The following NOD1 variants were observed in gnomAD, a reference collection of about 807,000 sequenced individuals.
The protein encoded by NOD1 is nucleotide-binding oligomerization domain-containing protein 1.
In NOD1, 70 loss-of-function variants were observed where a neutral mutation model predicts 81.2. The ratio of observed to expected loss-of-function variants is 0.86; its 90% confidence interval spans 0.71 to 1.05. NOD1 has a LOEUF of 1.05. Ranked by LOEUF, NOD1 falls within the 50% of genes least tolerant of loss-of-function variation. The probability of loss-of-function intolerance (pLI) is 0.00; values close to 1 mark genes in which losing one functional copy is unlikely to be tolerated. For missense variants in NOD1, 1,233 were observed against 1,228.0 expected (o/e 1.00, Z -0.06); for synonymous variants, 508 against 526.9 (o/e 0.96, Z 0.49).
At chr7:30,471,402 C>T (rs935012484) in intron 1 of NOD1, among the ~76,000 whole-genome samples, 1 of 152,222 alleles carries the variant, frequency 6.6e-6, no homozygotes, top group African/African-American at 2.4e-5. Context: ...ACCTCATGAC[C>T]GCTTCACAGC....
At position 30,451,836 on chromosome 7, in the gene NOD1, G is replaced by T. The variant is rs547883089; in HGVS notation, c.1581C>A (p.Phe527Leu). Residue 527 changes from phenylalanine to leucine, a missense_variant, in exon 6 of 14, where the codon TTC becomes TTA. Phe to Leu is a conservative substitution (Grantham distance 22). Transcript: ENST00000222823. This position sits in a 1 kb window ranked among gnomAD's most constrained non-coding sequence, Gnocchi z 4.2. Reference sequence around the variant, plus strand: ...CCACCCTGTCGTCCAGCACGAGGAAGAAGGCTGTAAAGAAGGCCTGGAGGG... The same window carrying T: ...CCACCCTGTCGTCCAGCACGAGGAATAAGGCTGTAAAGAAGGCCTGGAGGG... ...HLTLQAFFTAFFLVLDDRVGT... is the reference protein window; with the variant it reads ...HLTLQAFFTALFLVLDDRVGT... The T allele has an allele frequency of 1.1e-5, 17 of 1,613,888 alleles. No individual in the cohort carries two copies. In the East Asian group the frequency reaches 3.3e-4, roughly 32 times the overall value.
Position 30,446,145 on chromosome 7 carries a change from C to G in NOD1, c.2449G>C (p.Val817Leu), listed in dbSNP as rs917135646. 8.1e-6 allele frequency: 13 copies of G among 1,612,642 alleles called. No individual in the cohort carries two copies. Among genetic ancestry groups the G allele is most frequent in the Non-Finnish European group, 1.0e-5 (12 of 1,178,876 alleles). Reference sequence around the variant, plus strand: ...CATCCATCCCCTTCTACTCACCCAACCTCAGAGATTGATTTGCTGTTCTTC... The same window carrying G: ...CATCCATCCCCTTCTACTCACCCAAGCTCAGAGATTGATTTGCTGTTCTTC... Reference protein sequence around the residue: ...AVKNSKSISEVGMWGNQVGDE... With the variant: ...AVKNSKSISELGMWGNQVGDE... The change falls in exon 9 of 14, where the codon GTT (valine) becomes CTT (leucine). Residue 817 changes from valine (V) to leucine (L), a missense_variant. By Grantham distance (32) the Val-to-Leu change is conservative. Coordinates refer to ENST00000222823, the MANE Select transcript of NOD1 (RefSeq NM_006092.4).
At chr7:30,448,896 C>T (rs191759868) in intron 6 of NOD1, among the ~76,000 whole-genome samples, 1 of 152,218 alleles carries the variant, frequency 6.6e-6, no homozygotes, top group African/African-American at 2.4e-5. Context: ...AGCTTCCCCC[C>T]ATCCAGAAAC....
Position 30,455,411 on chromosome 7 carries a change from G to A in NOD1, c.202-100C>T, listed in dbSNP as rs557004761. Reference sequence around the variant, plus strand: ...CTCAGGGCAGGGCTCTGAGTTCTTAGTACAGCCGGTAGCTATGCCATCCCC... The same window carrying A: ...CTCAGGGCAGGGCTCTGAGTTCTTAATACAGCCGGTAGCTATGCCATCCCC... On this transcript the variant is annotated intron_variant, in intron 4 of 13. Transcript: ENST00000222823. The A allele has an allele frequency of 3.4e-5, 29 of 857,418 alleles. No homozygotes were observed. In the African/African-American group the frequency reaches 4.5e-4, roughly 13 times the overall value. The allele number at this position is 857,418 out of a possible 1,614,324, so 53.1% of individuals were successfully genotyped here. A position where few individuals can be genotyped will look rare whatever the true frequency, so the allele number is the denominator to read the frequency against.
intron 10 of NOD1, among the ~76,000 whole-genome samples, chr7:30,437,271 C>T (rs552037942): frequency 1.3e-5 from 2 of 152,244 alleles, no homozygotes; most frequent in African/African-American, 2.4e-5. Flanking sequence ...ATACCTAATG[C>T]ATGCAGGGCT....
At chr7:30,438,026 T>C (rs1784535551) in intron 9 of NOD1, among the ~76,000 whole-genome samples, 1 of 152,212 alleles carries the variant, frequency 6.6e-6, no homozygotes, top group African/African-American at 2.4e-5. Flanking sequence ...CGCAGAGTCC[T>C]GGAGGGAAGG....
intron 13 of NOD1, among the ~76,000 whole-genome samples, chr7:30,427,198 G>GAGAT (rs1435897843): frequency 2.5e-4 from 38 of 152,290 alleles, no homozygotes; most frequent in African/African-American, 6.7e-4. Flanking sequence ...CAGTCTGGAG[G>GAGAT]AGATAGCCTC....
intron 1 of NOD1, among the ~76,000 whole-genome samples, chr7:30,471,156 C>A (rs907944424): frequency 1.3e-5 from 2 of 150,692 alleles, no homozygotes; most frequent in African/African-American, 5.0e-5. Context: ...ATCTAGGACA[C>A]AAACCTGTCA....
At chr7:30,427,496 C>G (rs1274540034) in intron 13 of NOD1, among the ~76,000 whole-genome samples, 1 of 152,222 alleles carries the variant, frequency 6.6e-6, no homozygotes. Context: ...GCAGGGCCAA[C>G]AAAGCCACAG....
At chr7:30,433,245 C>T (rs1784098012) in intron 11 of NOD1, 66 bp from the exon 12 acceptor site, 15 of 1,309,408 alleles carry the variant, frequency 1.1e-5, no homozygotes, top group South Asian at 7.2e-5. Context: ...TTAGAGTTCA[C>T]AGGAGCGGGA....
intron 10 of NOD1, among the ~76,000 whole-genome samples, chr7:30,437,155 G>A (rs1361774081): frequency 4.0e-5 from 6 of 151,846 alleles, no homozygotes; most frequent in East Asian, 1.9e-4. Context: ...GTTCTCACTC[G>A]TAAGTGGGAG....
chr7:30,434,790 G>A (rs1294725159), intron 11 of NOD1, among the ~76,000 whole-genome samples: 1 of 152,156 alleles, frequency 6.6e-6, no homozygotes. Context: ...GCACTTACTG[G>A]ACAGCAGGCC....
Position 30,451,091 on chromosome 7 carries a change from G to T in NOD1, c.2201+125C>A, listed in dbSNP as rs1310650096. Reference sequence around the variant, plus strand: ...CCTCTGCCCTGCTAAGAAAGAAAAGGTCTGGACATTCCAAGGGCCATGGTC... The same window carrying T: ...CCTCTGCCCTGCTAAGAAAGAAAAGTTCTGGACATTCCAAGGGCCATGGTC... On this transcript the variant is annotated intron_variant, in intron 6 of 13. Coordinates refer to ENST00000222823, the MANE Select transcript of NOD1 (RefSeq NM_006092.4). The surrounding 1 kb of genome is among the most constrained non-coding windows in gnomAD (Gnocchi z 4.2). 4 of 1,156,014 alleles carry T rather than the reference G, an allele frequency of 3.5e-6. No individual in the cohort carries two copies. The highest frequency in any genetic ancestry group is 5.1e-5 in the East Asian group (2 of 39,050). 71.6% of individuals were successfully genotyped at this position (1,156,014 alleles called of 1,614,324 possible).
intron 9 of NOD1, among the ~76,000 whole-genome samples, chr7:30,438,434 G>C (rs1784574835): frequency 6.6e-6 from 1 of 152,196 alleles, no homozygotes; most frequent in Non-Finnish European, 1.5e-5. Flanking sequence ...GAGTTGTGAG[G>C]ATTCACTGAG....
At chr7:30,432,099 C>A (rs1273369428) in intron 12 of NOD1, among the ~76,000 whole-genome samples, 1 of 151,930 alleles carries the variant, frequency 6.6e-6, no homozygotes, top group African/African-American at 2.4e-5. Flanking sequence ...GAGCAAGACT[C>A]CATCTCAAAA....
At chr7:30,448,453 G>C in intron 6 of NOD1, 72 bp from the exon 7 acceptor site, 1 of 1,296,698 alleles carries the variant, frequency 7.7e-7, no homozygotes, top group East Asian at 2.3e-5. Flanking sequence ...ATCTTACAAA[G>C]ATCCAGAAGC....
rs779558603 is a variant in NOD1, at chr7:30,446,978, G to A, written c.2358C>T (p.Leu786=). ...VTKILDECKG[L]THLKLGKNKI... is the part of the protein sequence containing the mutation. ...CCTACCCCACTTACTTAAGATGCGT[G>A]AGGCCTTTGCATTCATCCAGGATTT... Residue 786 remains leucine (L), a synonymous_variant, in exon 8 of 14, where the codon CTC becomes CTT. Transcript: ENST00000222823. 2 of 1,613,916 alleles carry A rather than the reference G, an allele frequency of 1.2e-6. No individual in the cohort carries two copies. Among genetic ancestry groups the A allele is most frequent in the Admixed American group, 3.3e-5 (2 of 60,022 alleles).
At chr7:30,431,056 A>G (rs982894341) in intron 12 of NOD1, among the ~76,000 whole-genome samples, 3 of 152,178 alleles carry the variant, frequency 2.0e-5, no homozygotes, top group East Asian at 3.8e-4. Context: ...CAGGAAGGAG[A>G]GCACCTAATG....
At position 30,452,243 on chromosome 7, in the gene NOD1, G is replaced by C. The variant is rs1374598767; in HGVS notation, c.1174C>G (p.Leu392Val). The change falls in exon 6 of 14, where the codon CTC (leucine) becomes GTC (valine). Residue 392 changes from leucine to valine, a missense_variant. Leu to Val is a conservative substitution (Grantham distance 32, BLOSUM62 1). Transcript: ENST00000222823. ...CACCGGAAGATGATCCAGCAGAAGA[G>C]GGGCACAGAGCACAGGCTGCAGAGG... ...PNLCSLCSVP[L>V]FCWIIFRCFQ... 7 of 1,613,686 alleles carry C rather than the reference G, an allele frequency of 4.3e-6. No homozygotes were observed. Among genetic ancestry groups the C allele is most frequent in the African/African-American group, 2.7e-5 (2 of 74,928 alleles).
Sources: gnomAD v4.1 joint callset for allele counts (sites outside exome capture counted in the v4.1 genomes callset) on GRCh38, gnomAD v4.1.1 for gene constraint, Gnocchi (gnomAD v3.1) non-coding constraint, MANE v1.5 for transcripts, NCBI Gene and HGNC (gene_info 2026-07-23, HGNC 2026-07-21) for gene names.